CERT1: variants seen among roughly 807,000 people sequenced by gnomAD.
CERT1 encodes ceramide transfer protein.
Under a neutral mutation model 87.9 loss-of-function variants are expected in CERT1, and 31 were observed. The ratio of observed to expected loss-of-function variants is 0.35; its 90% CI spans 0.27 to 0.48. CERT1 has a LOEUF of 0.48. Among genes scored for constraint, CERT1 ranks in the 20% least tolerant of loss-of-function variants. CERT1 has a pLI of 0.99. For synonymous variants in CERT1, 289 were observed against 250.9 expected (o/e 1.15, Z -1.44); for missense variants, 487 against 758.0 (o/e 0.64, Z 4.20).
In CERT1 at chr5:75,379,195, G is replaced by A. The variant is rs1013245303; in HGVS notation, c.*151C>T. On this transcript the variant is annotated 3_prime_UTR_variant, in exon 17 of 17. Coordinates refer to ENST00000643780, the MANE Select transcript of CERT1 (RefSeq NM_001379029.1). ...AGACCCTGTTTAAAACAACAACAAC[G>A]ACAACAACAAAAACCAACGAAACAA... 5 of 705,526 alleles carry A rather than the reference G, an allele frequency of 7.1e-6. No individual in the cohort carries two copies. Among genetic ancestry groups the A allele is most frequent in the African/African-American group, 1.8e-5 (1 of 55,316 alleles). The allele number at this position is 705,526 out of a possible 1,614,324, so 43.7% of individuals were successfully genotyped here.
At chr5:75,438,993 G>A (rs1764203327) in intron 3 of CERT1, among the ~76,000 whole-genome samples, 1 of 151,176 alleles carries the variant, frequency 6.6e-6, no homozygotes, top group South Asian at 2.1e-4. Flanking sequence ...GGCCACTAGA[G>A]GAGGTCAGTA....
chr5:75,507,736 G>GT (rs1342442614), intron 1 of CERT1, among the ~76,000 whole-genome samples: 2 of 152,144 alleles, frequency 1.3e-5, no homozygotes, highest in African/African-American at 4.8e-5. Context: ...TGTGAAGAGA[G>GT]TTTTGACAAG....
chr5:75,456,469 G>A (rs971170973), intron 3 of CERT1, among the ~76,000 whole-genome samples: 12 of 151,934 alleles, frequency 7.9e-5, no homozygotes, highest in Admixed American at 3.3e-4. Flanking sequence ...AGGGGTTCAA[G>A]ATCAGCCTGG....
At chr5:75,445,772 G>C (rs538112911) in intron 3 of CERT1, among the ~76,000 whole-genome samples, 16 of 152,284 alleles carry the variant, frequency 1.1e-4, no homozygotes, top group African/African-American at 3.8e-4. Flanking sequence ...GAGATTACAG[G>C]TGCAATGCCA....
At chr5:75,480,351 T>C (rs1766177490) in intron 2 of CERT1, among the ~76,000 whole-genome samples, 2 of 152,218 alleles carry the variant, frequency 1.3e-5, no homozygotes, top group African/African-American at 2.4e-5. Flanking sequence ...ATGAAAGTCC[T>C]TTGTAGAAGC....
At chr5:75,454,139 T>A (rs1399561226) in intron 3 of CERT1, among the ~76,000 whole-genome samples, 1 of 152,156 alleles carries the variant, frequency 6.6e-6, no homozygotes, top group Non-Finnish European at 1.5e-5. Flanking sequence ...ATAATACTAT[T>A]GTTTTATCAT....
intron 8 of CERT1, among the ~76,000 whole-genome samples, chr5:75,405,139 G>A (rs751998208): frequency 7.9e-5 from 12 of 151,874 alleles, no homozygotes; most frequent in Non-Finnish European, 1.6e-4. Flanking sequence ...TTATTAAAAG[G>A]GACTTTAAAA....
intron 2 of CERT1, among the ~76,000 whole-genome samples, chr5:75,488,290 CA>C (rs2112417254): frequency 1.3e-5 from 2 of 151,968 alleles, no homozygotes; most frequent in African/African-American, 4.8e-5. Flanking sequence ...ATGCCTGTAT[CA>C]AAATATCTCA....
chr5:75,393,583 T>C (rs1372336581), intron 11 of CERT1, among the ~76,000 whole-genome samples: 2 of 38,214 alleles, frequency 5.2e-5, no homozygotes, highest in Non-Finnish European at 1.1e-4. Flanking sequence ...CTCGGCAACA[T>C]AGCAAGACCT....
In CERT1 at chr5:75,386,747, C is replaced by G. The variant is rs559854956; in HGVS notation, c.1285-713G>C. On this transcript the variant is annotated intron_variant, in intron 12 of 16. Coordinates refer to ENST00000643780, the MANE Select transcript of CERT1 (RefSeq NM_001379029.1). Reference sequence around the variant, plus strand: ...CTTAGAGTATCTCTCAACAGACTACCTTCCCCTACCTATTTATTACTCATA... The same window carrying G: ...CTTAGAGTATCTCTCAACAGACTACGTTCCCCTACCTATTTATTACTCATA... Among the ~76,000 whole-genome samples, 3 of 152,264 alleles carry G rather than the reference C, an allele frequency of 2.0e-5. No homozygotes were observed. In the South Asian group the frequency reaches 6.2e-4, roughly 32 times the overall value.
chr5:75,375,866 T>G (rs1174684223), downstream of CERT1: 5 of 149,912 alleles, frequency 3.3e-5, no homozygotes, highest in African/African-American at 1.2e-4. Context: ...AAAAAAAAAG[T>G]TACGTTACAG....
chr5:75,493,640 T>A, intron 2 of CERT1, among the ~76,000 whole-genome samples: 1 of 152,226 alleles, frequency 6.6e-6, no homozygotes, highest in Non-Finnish European at 1.5e-5. Context: ...GTCTTTAACA[T>A]GAGTCTTTTT....
At chr5:75,429,407 G>A (rs1170232702) in intron 3 of CERT1, among the ~76,000 whole-genome samples, 1 of 151,940 alleles carries the variant, frequency 6.6e-6, no homozygotes, top group Non-Finnish European at 1.5e-5. Flanking sequence ...TCATTATGTT[G>A]GCCAGGCTAG....
At position 75,384,702 on chromosome 5, in the gene CERT1, T is replaced by C. The variant is rs1434863659; in HGVS notation, c.1428A>G (p.Glu476=). The change falls in exon 14 of 17, where the codon GAA becomes GAG. Residue 476 remains glutamate, a synonymous_variant. Transcript: ENST00000643780. ...DVRNDWETTI[E]NFHVVETLAD... The stretch of plus-strand genomic sequence containing the variant: ...CTAATGTTTCCACCACATGAAAGTT[T>C]TCTATAGTTGCTGAAATGAAGAGAA... The C allele has an allele frequency of 2.5e-6, 4 of 1,586,628 alleles. No homozygotes were observed. The highest frequency in any genetic ancestry group is 3.5e-6 in the Non-Finnish European group (4 of 1,155,650).
intron 2 of CERT1, among the ~76,000 whole-genome samples, chr5:75,480,099 C>G (rs986122081): frequency 6.6e-6 from 1 of 152,104 alleles, no homozygotes; most frequent in African/African-American, 2.4e-5. Context: ...ACTAGACAAC[C>G]CCTTGGCCCT....
intron 11 of CERT1, among the ~76,000 whole-genome samples, chr5:75,398,098 T>C (rs990641364): frequency 6.6e-6 from 1 of 152,190 alleles, no homozygotes; most frequent in African/African-American, 2.4e-5. Flanking sequence ...TATTTGGTTA[T>C]GGATGATTTC....
chr5:75,412,132 T>C (rs1762956465), intron 7 of CERT1, among the ~76,000 whole-genome samples: 2 of 152,232 alleles, frequency 1.3e-5, no homozygotes. Context: ...AATAATCTAA[T>C]GCTTTTATTT....
chr5:75,381,840 C>A, intron 15 of CERT1, 109 bp downstream of exon 15: 1 of 1,009,854 alleles, frequency 9.9e-7, no homozygotes. Flanking sequence ...AATCTAAGAA[C>A]CATTATCAAA....
intron 2 of CERT1, among the ~76,000 whole-genome samples, chr5:75,495,253 T>C (rs1203173090): frequency 6.6e-6 from 1 of 152,172 alleles, no homozygotes; most frequent in East Asian, 1.9e-4. Flanking sequence ...CAGCCATAAT[T>C]TTCTTCCTTC....
Sources: gnomAD v4.1 joint callset for allele counts (sites outside exome capture counted in the v4.1 genomes callset) on GRCh38, gnomAD v4.1.1 for gene constraint, MANE v1.5 for transcripts, NCBI Gene and HGNC (gene_info 2026-07-23, HGNC 2026-07-21) for gene names.